The following ATP13A4 variants were observed in gnomAD, a reference collection of about 807,000 sequenced individuals.
The protein encoded by ATP13A4 is ATPase 13A4.
ATP13A4 carries 114 observed loss-of-function variants against 142.5 expected under a neutral mutation model. That is an observed-to-expected ratio of 0.80 (90% confidence interval 0.69 to 0.93). ATP13A4 has a LOEUF of 0.93. Among genes scored for constraint, ATP13A4 ranks in the 40% least tolerant of loss-of-function variants. The probability of loss-of-function intolerance (pLI) is 0.00; values close to 1 mark genes in which losing one functional copy is unlikely to be tolerated. For synonymous variants in ATP13A4, 488 were observed against 514.8 expected (o/e 0.95, Z 0.70); for missense variants, 1,392 against 1,454.0 (o/e 0.96, Z 0.69).
intron 2 of ATP13A4, among the ~76,000 whole-genome samples, chr3:193,577,927 C>T (rs1180543048): frequency 6.6e-6 from 1 of 152,218 alleles, no homozygotes; most frequent in Non-Finnish European, 1.5e-5. Context: ...CTTTCATTCT[C>T]TCTGAATAGA....
At chr3:193,463,717 C>CT (rs1718095240) in intron 12 of ATP13A4, among the ~76,000 whole-genome samples, 2 of 152,152 alleles carry the variant, frequency 1.3e-5, no homozygotes, top group African/African-American at 4.8e-5. Flanking sequence ...ACAATTATCT[C>CT]TCCCACTCCT....
intron 2 of ATP13A4, among the ~76,000 whole-genome samples, chr3:193,570,282 C>G (rs191399256): frequency 6.6e-6 from 1 of 152,296 alleles, no homozygotes; most frequent in African/African-American, 2.4e-5. Context: ...AATTGCACCA[C>G]TGCACTCAAG....
At chr3:193,461,536 T>C (rs1410928787) in intron 13 of ATP13A4, among the ~76,000 whole-genome samples, 1 of 152,242 alleles carries the variant, frequency 6.6e-6, no homozygotes, top group Non-Finnish European at 1.5e-5. Context: ...CTAAAGTGGT[T>C]AGAAGCACGA....
At chr3:193,554,481 GT>G in intron 1 of ATP13A4, 1 of 550,208 alleles carries the variant, frequency 1.8e-6, no homozygotes, top group Middle Eastern at 5.1e-4. Flanking sequence ...CTCCCTCTCT[GT>G]TTTCTTTAAA....
intron 1 of ATP13A4, among the ~76,000 whole-genome samples, chr3:193,527,953 C>T (rs192942821): frequency 1.1e-4 from 16 of 152,286 alleles, no homozygotes; most frequent in African/African-American, 9.6e-5. Context: ...ACCTTCTGAA[C>T]ATGACACATG....
chr3:193,570,965 G>A (rs1321046098), intron 2 of ATP13A4, among the ~76,000 whole-genome samples: 1 of 152,126 alleles, frequency 6.6e-6, no homozygotes, highest in Non-Finnish European at 1.5e-5. Context: ...GCCAGACATG[G>A]TTGTAAAAGC....
At chr3:193,462,622 G>A (rs1718018468) in intron 13 of ATP13A4, 140 bp downstream of exon 13, 1 of 789,644 alleles carries the variant, frequency 1.3e-6, no homozygotes, top group Non-Finnish European at 2.1e-6. Context: ...AAGATGAGAA[G>A]TTAAAAGAAG....
chr3:193,519,865 G>A (rs1342241080), intron 1 of ATP13A4, among the ~76,000 whole-genome samples: 3 of 151,634 alleles, frequency 2.0e-5, no homozygotes, highest in East Asian at 3.9e-4. Context: ...GGCTGGTCTC[G>A]AACTCCCGAC....
At chr3:193,469,661 C>A (rs1043170932) in intron 9 of ATP13A4, among the ~76,000 whole-genome samples, 1 of 152,108 alleles carries the variant, frequency 6.6e-6, no homozygotes, top group Non-Finnish European at 1.5e-5. Flanking sequence ...GAGTCCACTG[C>A]GTTTGGCAAT....
At chr3:193,418,689 A>C (rs1336017557) in intron 25 of ATP13A4, among the ~76,000 whole-genome samples, 1 of 149,966 alleles carries the variant, frequency 6.7e-6, no homozygotes, top group Non-Finnish European at 1.5e-5. Context: ...CAGGCACTGA[A>C]CCAGCTGAGG....
intron 1 of ATP13A4, chr3:193,553,730 T>C (rs545834167): frequency 4.6e-5 from 7 of 152,308 alleles, no homozygotes; most frequent in African/African-American, 1.7e-4. Context: ...AGGGATCTAC[T>C]CTTGAAAGTC....
At chr3:193,446,210 A>G (rs1716947041) in intron 18 of ATP13A4, among the ~76,000 whole-genome samples, 1 of 152,200 alleles carries the variant, frequency 6.6e-6, no homozygotes, top group South Asian at 2.1e-4. Flanking sequence ...AACTACAAGA[A>G]AAAAGATAGA....
At chr3:193,579,058 A>G in intron 2 of ATP13A4, 1 of 182,148 alleles carries the variant, frequency 5.5e-6, no homozygotes, top group Non-Finnish European at 1.2e-5. Context: ...CAAAGTTGCC[A>G]ACACCAGCAG....
In ATP13A4 at chr3:193,578,296, A is replaced by AATATCTATATCTATATCT. The variant is rs60425298; in HGVS notation, n.291+3393_291+3410dup. Reference sequence around the variant, plus strand: ...CAACAGAGTGAGACTCCATCTCAGAAATATCTATATCTATATCTATATCTA... The same window carrying AATATCTATATCTATATCT: ...CAACAGAGTGAGACTCCATCTCAGAAATATCTATATCTATATCTATATCTATATCTATATCTATATCTA... On this transcript the variant is annotated intron_variant and non_coding_transcript_variant, in intron 2 of 3. Coordinates refer to the ATP13A4 transcript ENST00000489140. 9.3e-3 allele frequency among the ~76,000 whole-genome samples: 1,357 copies of AATATCTATATCTATATCT among 146,382 alleles called. 11 individuals are homozygous for AATATCTATATCTATATCT. The highest frequency in any genetic ancestry group is 0.023 in the African/African-American group (917 of 39,378).
At chr3:193,449,666 T>G (rs1717156087) in intron 17 of ATP13A4, among the ~76,000 whole-genome samples, 1 of 152,250 alleles carries the variant, frequency 6.6e-6, no homozygotes, top group Non-Finnish European at 1.5e-5. Flanking sequence ...ATGGGTTTTC[T>G]GTCTACTTAA....
chr3:193,459,154 T>G lies in ATP13A4; in HGVS notation c.1601A>C (p.His534Pro). The G allele has an allele frequency of 6.2e-7, 1 of 1,614,092 alleles. No individual in the cohort carries two copies. Residue 534 changes from histidine (H) to proline (P), a missense_variant, in exon 14 of 30, where the codon CAC becomes CCC. Coordinates refer to ENST00000342695, the MANE Select transcript of ATP13A4 (RefSeq NM_032279.4). ...GPLCAAMASC[H>P]SLILLDGTIQ... ...GGTCCCATCAAGAAGGATCAGAGAG[T>G]GGCAGCTGGCCATCGCTGCACACAG...
intron 29 of ATP13A4, chr3:193,404,276 G>A: frequency 2.4e-6 from 1 of 414,856 alleles, no homozygotes; most frequent in Non-Finnish European, 3.2e-6. Flanking sequence ...CACACACACA[G>A]AGAGAGAAAC....
At chr3:193,438,297 T>C (rs1056161379) in intron 23 of ATP13A4, among the ~76,000 whole-genome samples, 178 bp downstream of exon 23, 57 of 152,132 alleles carry the variant, frequency 3.7e-4, no homozygotes, top group Non-Finnish European at 4.9e-4. Context: ...GCTCTCCCAA[T>C]GTTATTGTTA....
chr3:193,593,089 C>A, exon 1 of ATP13A4: 1 of 407,838 alleles, frequency 2.5e-6, no homozygotes, highest in Non-Finnish European at 4.4e-6. Context: ...CGATGGATTG[C>A]TCCAGTCCGT....
Sources: allele counts gnomAD v4.1 joint callset (sites outside exome capture counted in the v4.1 genomes callset), GRCh38; gene constraint gnomAD v4.1.1; transcripts MANE v1.5; gene names NCBI Gene and HGNC (gene_info 2026-07-23, HGNC 2026-07-21).